Variants in STK10 observed in about 807,000 individuals in gnomAD.
STK10 encodes serine/threonine-protein kinase 10.
A neutral mutation model predicts 113.8 loss-of-function variants in STK10; 78 were observed. The observed-to-expected ratio is 0.69, with a 90% CI of 0.57 to 0.83. The LOEUF (loss-of-function observed/expected upper bound fraction) is 0.83. Among genes scored for constraint, STK10 ranks in the 40% least tolerant of loss-of-function variants. The pLI is 0.00. For missense variants in STK10, 1,109 were observed against 1,280.1 expected, an observed-to-expected ratio of 0.87 and a Z score of 2.04; for synonymous variants, 465 against 494.7, an observed-to-expected ratio of 0.94 and a Z score of 0.80.
intron 8 of STK10, among the ~76,000 whole-genome samples, chr5:172,096,107 G>A (rs1231455212): frequency 6.6e-6 from 1 of 152,132 alleles, no homozygotes; most frequent in African/African-American, 2.4e-5. Flanking sequence ...TTTGGTATGT[G>A]AGCTGTGACA....
At chr5:172,085,883 G>A (rs1241521735) in intron 10 of STK10, among the ~76,000 whole-genome samples, 3 of 152,008 alleles carry the variant, frequency 2.0e-5, no homozygotes, top group East Asian at 1.9e-4. Flanking sequence ...ATGAGGCCAC[G>A]CTCTGACCCC....
chr5:172,052,052 G>A (rs959915547), intron 18 of STK10, among the ~76,000 whole-genome samples: 1 of 152,238 alleles, frequency 6.6e-6, no homozygotes, highest in Admixed American at 6.5e-5. Flanking sequence ...TCCTCTGCGT[G>A]TGGGTGGAAC....
intron 14 of STK10, among the ~76,000 whole-genome samples, chr5:172,059,128 G>C (rs1337116285): frequency 6.6e-6 from 1 of 151,112 alleles, no homozygotes; most frequent in Non-Finnish European, 1.5e-5. Flanking sequence ...TACTCAGGAG[G>C]CTGAGGCAGG....
At chr5:172,113,862 A>G (rs1054341776) in intron 4 of STK10, among the ~76,000 whole-genome samples, 1 of 152,102 alleles carries the variant, frequency 6.6e-6, no homozygotes, top group African/African-American at 2.4e-5. Context: ...GTGGAGAGCT[A>G]AGATCGTGCC....
chr5:172,137,220 C>G (rs544579641), intron 2 of STK10, among the ~76,000 whole-genome samples: 1 of 152,108 alleles, frequency 6.6e-6, no homozygotes, highest in Non-Finnish European at 1.5e-5. Flanking sequence ...TGTGGCCCAG[C>G]AGGTCTCAGC....
intron 2 of STK10, among the ~76,000 whole-genome samples, chr5:172,152,064 C>T (rs964522269): frequency 1.3e-5 from 2 of 152,248 alleles, no homozygotes; most frequent in African/African-American, 4.8e-5. Context: ...ATCGTGTTTA[C>T]AGCACCTGCT....
At chr5:172,126,556 T>G (rs1411480785) in intron 3 of STK10, among the ~76,000 whole-genome samples, 1 of 152,018 alleles carries the variant, frequency 6.6e-6, no homozygotes, top group Non-Finnish European at 1.5e-5. Context: ...AGAGTGAGAC[T>G]CCATCTCAAA....
intron 3 of STK10, among the ~76,000 whole-genome samples, 186 bp downstream of exon 3, chr5:172,127,187 G>C (rs376344443): frequency 6.6e-6 from 1 of 151,912 alleles, no homozygotes; most frequent in African/African-American, 2.4e-5. Context: ...GAGAAAGAAA[G>C]AAAAAAAGAA....
chr5:172,144,198 A>G (rs1363033477), intron 2 of STK10, among the ~76,000 whole-genome samples: 3 of 152,262 alleles, frequency 2.0e-5, no homozygotes, highest in Admixed American at 6.5e-5. Context: ...ACAGAACCAG[A>G]GTATAGACCA....
intron 10 of STK10, among the ~76,000 whole-genome samples, chr5:172,089,549 G>A (rs1768648282): frequency 6.6e-6 from 1 of 152,110 alleles, no homozygotes; most frequent in African/African-American, 2.4e-5. Context: ...TAGATAGGGA[G>A]TAGGTAAATA....
intron 1 of STK10, among the ~76,000 whole-genome samples, chr5:172,157,867 A>G (rs980494940): frequency 2.0e-5 from 3 of 152,138 alleles, no homozygotes; most frequent in African/African-American, 4.8e-5. Flanking sequence ...TTGGGATTAC[A>G]GGTGTGAGCC....
In STK10 at chr5:172,106,618, A is replaced by G. The variant is rs765377082; in HGVS notation, c.788+2T>C. The G allele has an allele frequency of 6.2e-7, 1 of 1,610,688 alleles. No individual in the cohort carries two copies. On this transcript the variant is annotated splice_donor_variant, in intron 6 of 18. Transcript: ENST00000176763. LOFTEE classifies it high-confidence loss of function. ...GCAGGTGGCCCTGCCCCTGCCCCTCACCACTTAGAGGGCGTGAGCAGCGTG... is the reference window on the plus strand; with the variant it reads ...GCAGGTGGCCCTGCCCCTGCCCCTCGCCACTTAGAGGGCGTGAGCAGCGTG...
intron 12 of STK10, among the ~76,000 whole-genome samples, chr5:172,068,341 A>G (rs1342274310): frequency 6.6e-6 from 1 of 150,974 alleles, no homozygotes; most frequent in Non-Finnish European, 1.5e-5. Context: ...CTCTGTCTCA[A>G]AAAAAAAAAG....
chr5:172,101,649 G>C (rs1484760958), intron 7 of STK10, among the ~76,000 whole-genome samples: 1 of 152,178 alleles, frequency 6.6e-6, no homozygotes, highest in Non-Finnish European at 1.5e-5. Context: ...TATATCCTGA[G>C]TGCCATGTGC....
In STK10 at chr5:172,082,204, G is replaced by A. The variant is rs1413360897; in HGVS notation, c.1989+122C>T. 1.8e-6 allele frequency: 2 copies of A among 1,129,978 alleles called. No homozygotes were observed. Among genetic ancestry groups the A allele is most frequent in the Non-Finnish European group, 2.4e-6 (2 of 838,240 alleles). 70.0% of individuals were successfully genotyped at this position (1,129,978 alleles called of 1,614,324 possible). On this transcript the variant is annotated intron_variant, in intron 12 of 18. Transcript: ENST00000176763. This position sits in a 1 kb window ranked among gnomAD's most constrained non-coding sequence, Gnocchi z 4.3. ...TGGGCACACAGATCCAGGCTCACCTGCTCCCGAGCTCTTCAGCCGTACCCC... is the reference window on the plus strand; with the variant it reads ...TGGGCACACAGATCCAGGCTCACCTACTCCCGAGCTCTTCAGCCGTACCCC...
chr5:172,100,066 G>A (rs1768953243), intron 7 of STK10, among the ~76,000 whole-genome samples: 1 of 152,210 alleles, frequency 6.6e-6, no homozygotes, highest in Admixed American at 6.5e-5. Context: ...CCGTCCTATG[G>A]CTGATTAGGC....
chr5:172,049,358 G>C (rs984474811), intron 18 of STK10, among the ~76,000 whole-genome samples: 2 of 152,140 alleles, frequency 1.3e-5, no homozygotes, highest in South Asian at 2.1e-4. Flanking sequence ...CAGCCTCCGT[G>C]GGGGAGGCCT....
At chr5:172,102,572 C>CGGAGAAGGAGAGGCTTATGACCAA (rs1769014534) in intron 7 of STK10, among the ~76,000 whole-genome samples, 1 of 151,978 alleles carries the variant, frequency 6.6e-6, no homozygotes, top group African/African-American at 2.4e-5. Context: ...GCAAAGGCAA[C>CGGAGAAGGAGAGGCTTATGACCAA]GGAGAAGGAG....
chr5:172,146,950 C>G (rs1307252334), intron 2 of STK10, among the ~76,000 whole-genome samples: 1 of 152,178 alleles, frequency 6.6e-6, no homozygotes, highest in East Asian at 1.9e-4. Flanking sequence ...AGGGCTCAGG[C>G]CCCGAGACTG....
Sources: allele counts gnomAD v4.1 joint callset (sites outside exome capture counted in the v4.1 genomes callset), GRCh38; gene constraint gnomAD v4.1.1; non-coding constraint Gnocchi (gnomAD v3.1); transcripts MANE v1.5; gene names NCBI Gene and HGNC (gene_info 2026-07-23, HGNC 2026-07-21).